PRICKLE2: variants seen among roughly 807,000 people sequenced by gnomAD.
The protein encoded by PRICKLE2 is prickle planar cell polarity protein 2, also known as prickle-like protein 2.
Under a neutral mutation model 81.4 loss-of-function variants are expected in PRICKLE2, and 21 were observed. That is an observed-to-expected ratio of 0.26 (90% CI 0.18 to 0.37). The LOEUF is 0.37. Among genes scored for constraint, PRICKLE2 ranks in the 10% least tolerant of loss-of-function variants. PRICKLE2 has a pLI of 1.00. For synonymous variants in PRICKLE2, 456 were observed against 421.5 expected, an observed-to-expected ratio of 1.08 and a Z score of -1.00; for missense variants, 940 against 1,109.0, an observed-to-expected ratio of 0.85 and a Z score of 2.16.
intron 1 of PRICKLE2, among the ~76,000 whole-genome samples, chr3:64,208,571 C>CA (rs2078730426): frequency 6.6e-6 from 1 of 152,220 alleles, no homozygotes; most frequent in African/African-American, 2.4e-5. Flanking sequence ...GCTCTGACTC[C>CA]TGTTGCTCTA....
intron 2 of PRICKLE2, among the ~76,000 whole-genome samples, chr3:64,255,646 G>A (rs1244878283): frequency 6.6e-6 from 1 of 152,152 alleles, no homozygotes; most frequent in East Asian, 1.9e-4. Flanking sequence ...TTTCTACCTT[G>A]TTGAATATAA....
intron 7 of PRICKLE2, among the ~76,000 whole-genome samples, chr3:64,115,662 A>G (rs184405602): frequency 2.0e-3 from 309 of 152,322 alleles, no homozygotes; most frequent in African/African-American, 7.1e-3. Flanking sequence ...TCCTAAATAT[A>G]TATGTTCCCA....
At chr3:64,257,507 G>A (rs1438272806) in intron 2 of PRICKLE2, among the ~76,000 whole-genome samples, 1 of 152,310 alleles carries the variant, frequency 6.6e-6, no homozygotes, top group Admixed American at 6.5e-5. Flanking sequence ...TGGCAGTGGG[G>A]GTGTGAGCAA....
chr3:64,218,950 AAGCCCTGGAG>A (rs928449162), intron 1 of PRICKLE2, among the ~76,000 whole-genome samples: 2 of 152,108 alleles, frequency 1.3e-5, no homozygotes, highest in Non-Finnish European at 2.9e-5. Context: ...ATACATAACA[AAGCCCTGGAG>A]AGCTTCTGAA....
intron 7 of PRICKLE2, among the ~76,000 whole-genome samples, chr3:64,129,709 T>C (rs1425557138): frequency 6.6e-6 from 1 of 152,062 alleles, no homozygotes; most frequent in Non-Finnish European, 1.5e-5. Context: ...TGAGGTTGTT[T>C]GGGCTGAGAC....
At chr3:64,155,629 T>C (rs2077622799) in intron 5 of PRICKLE2, among the ~76,000 whole-genome samples, 3 of 152,182 alleles carry the variant, frequency 2.0e-5, no homozygotes, top group Admixed American at 2.0e-4. Flanking sequence ...ACAACTTAAA[T>C]GTCCATCAAT....
At chr3:64,183,960 C>T (rs943568081) in intron 2 of PRICKLE2, among the ~76,000 whole-genome samples, 5 of 152,162 alleles carry the variant, frequency 3.3e-5, no homozygotes, top group Admixed American at 1.3e-4. Flanking sequence ...TGGCCCTATG[C>T]GACAATGAGC....
At chr3:64,149,300 A>T (rs1160019422) in intron 6 of PRICKLE2, among the ~76,000 whole-genome samples, 1 of 152,210 alleles carries the variant, frequency 6.6e-6, no homozygotes, top group East Asian at 1.9e-4. Context: ...CAGCAAAAAA[A>T]ATCTGCTCTC....
chr3:64,141,791 A>C, intron 7 of PRICKLE2: 3 of 985,228 alleles, frequency 3.0e-6, no homozygotes, highest in Non-Finnish European at 3.6e-6. Context: ...CAGAAAGATC[A>C]CACTTCATGC....
At chr3:64,265,378 C>T (rs1191088443) in intron 2 of PRICKLE2, among the ~76,000 whole-genome samples, 1 of 152,114 alleles carries the variant, frequency 6.6e-6, no homozygotes, top group Non-Finnish European at 1.5e-5. Flanking sequence ...AAAAATCATT[C>T]CCTCTGCTTC....
intron 1 of PRICKLE2, chr3:64,201,087 G>A (rs1234554333): frequency 6.6e-6 from 1 of 151,722 alleles, no homozygotes; most frequent in Non-Finnish European, 1.5e-5. Context: ...CTGCCACCAT[G>A]CCTAGCTAAT....
chr3:64,236,461 C>T (rs1219290040), intron 2 of PRICKLE2, among the ~76,000 whole-genome samples: 1 of 152,102 alleles, frequency 6.6e-6, no homozygotes, highest in Non-Finnish European at 1.5e-5. Flanking sequence ...AGCCTAGGGA[C>T]ACTGTCACAT....
At chr3:64,100,242 G>A in intron 7 of PRICKLE2, 3 of 359,970 alleles carry the variant, frequency 8.3e-6, no homozygotes, top group South Asian at 4.1e-5. Flanking sequence ...TCTATTTGGA[G>A]TTTCACTTTG....
Position 64,146,897 on chromosome 3 carries a change from C to T in PRICKLE2, c.1593G>A (p.Glu531=), listed in dbSNP as rs1337013281. 3.1e-6 allele frequency: 5 copies of T among 1,614,050 alleles called. No homozygotes were observed. The Admixed American group carries it at 8.3e-5, about 27-fold the overall frequency. ...GGGTCTGCTCTGTGGGCGTCATGTC[C>T]TCTGTGTATTTCAGGGAACTGATGG... ...RHPISSLKYT[E]DMTPTEQTPR... Residue 531 remains glutamate (E), a synonymous_variant, in exon 7 of 8, where the codon GAG becomes GAA. Transcript: ENST00000638394.
At chr3:64,243,470 A>G (rs2079298738) in intron 2 of PRICKLE2, among the ~76,000 whole-genome samples, 1 of 152,222 alleles carries the variant, frequency 6.6e-6, no homozygotes. Context: ...ATCATTTTAG[A>G]AATCCTATCT....
Position 64,095,747 on chromosome 3 carries a change from G to C in PRICKLE2, c.*3304C>G, listed in dbSNP as rs754278594. The C allele has an allele frequency of 6.6e-6, 1 of 152,162 alleles. No individual in the cohort carries two copies. The highest frequency in any genetic ancestry group is 2.4e-5 in the African/African-American group (1 of 41,432). The allele number at this position is 152,162 out of a possible 1,614,324, so 9.4% of individuals were successfully genotyped here. Reference sequence around the variant, plus strand: ...GAAACACAAAATTGCTCATTTGCTCGACTGGTTGGGGGTAGAAAGGAAGGA... The same window carrying C: ...GAAACACAAAATTGCTCATTTGCTCCACTGGTTGGGGGTAGAAAGGAAGGA... On this transcript the variant is annotated 3_prime_UTR_variant, in exon 8 of 8. Coordinates refer to ENST00000638394, the MANE Select transcript of PRICKLE2 (RefSeq NM_198859.4).
chr3:64,140,383 T>C (rs2107002893), intron 7 of PRICKLE2, among the ~76,000 whole-genome samples: 1 of 152,292 alleles, frequency 6.6e-6, no homozygotes, highest in Admixed American at 6.5e-5. Flanking sequence ...AAACGTTGTT[T>C]CCCCTTCCCT....
intron 7 of PRICKLE2, among the ~76,000 whole-genome samples, chr3:64,116,989 C>T (rs969413356): frequency 6.6e-6 from 1 of 152,168 alleles, no homozygotes; most frequent in African/African-American, 2.4e-5. Context: ...CATCAAAAAG[C>T]TTATCCACCA....
intron 1 of PRICKLE2, among the ~76,000 whole-genome samples, chr3:64,207,959 T>TA (rs1455193309): frequency 6.6e-6 from 1 of 152,218 alleles, no homozygotes; most frequent in Non-Finnish European, 1.5e-5. Flanking sequence ...CGGCCTGACT[T>TA]ACTCCATCTG....
Sources: allele counts gnomAD v4.1 joint callset (sites outside exome capture counted in the v4.1 genomes callset), GRCh38; gene constraint gnomAD v4.1.1; transcripts MANE v1.5; gene names NCBI Gene and HGNC (gene_info 2026-07-23, HGNC 2026-07-21).